ANKRD17: variants seen among roughly 807,000 people sequenced by gnomAD.
ANKRD17 encodes ankyrin repeat domain 17, also known as ankyrin repeat domain-containing protein 17.
A neutral mutation model predicts 229.7 loss-of-function variants in ANKRD17; 19 were observed. That is an observed-to-expected ratio of 0.08 (90% CI 0.06 to 0.12). The LOEUF (loss-of-function observed/expected upper bound fraction) is 0.12. Ranked by LOEUF, ANKRD17 falls within the 10% of genes least tolerant of loss-of-function variation. The pLI, the probability that ANKRD17 is intolerant of heterozygous loss-of-function variation, is 1.00. For synonymous variants in ANKRD17, 1,112 were observed against 1,146.1 expected (o/e 0.97, Z 0.60); for missense variants, 2,176 against 3,176.8 (o/e 0.68, Z 7.57).
intron 1 of ANKRD17, among the ~76,000 whole-genome samples, chr4:73,199,278 A>G (rs1459834053): frequency 1.3e-5 from 2 of 151,452 alleles, no homozygotes; most frequent in African/African-American, 4.9e-5. Flanking sequence ...GGAAGGGGAA[A>G]ACAAGGAAAG....
intron 1 of ANKRD17, among the ~76,000 whole-genome samples, chr4:73,199,520 T>C (rs989897856): frequency 6.6e-6 from 1 of 152,190 alleles, no homozygotes; most frequent in Admixed American, 6.5e-5. Flanking sequence ...TTACAGTTCC[T>C]TCTACCTGGA....
chr4:73,228,350 GAT>G (rs1168073796), intron 1 of ANKRD17, among the ~76,000 whole-genome samples: 2 of 152,090 alleles, frequency 1.3e-5, no homozygotes, highest in East Asian at 3.8e-4. Flanking sequence ...GAGGAATCTA[GAT>G]ATATGTCTAA....
rs755606046 is a variant in ANKRD17, at chr4:73,140,252, C to T, written c.2364G>A (p.Leu788=). Residue 788 remains leucine, a synonymous_variant, in exon 15 of 34, where the codon TTG becomes TTA. Coordinates refer to ENST00000358602, the MANE Select transcript of ANKRD17 (RefSeq NM_032217.5). ...AASKQKSSSH[L]PANSQDVQGY... ...CCTGTACATCCTGGCTGTTTGCTGG[C>T]AAATGGCTGCTGGACTTTTGTTTAG... 1 of 1,601,068 alleles carries T rather than the reference C, an allele frequency of 6.2e-7. No individual in the cohort carries two copies. The highest frequency in any genetic ancestry group is 8.5e-7 in the Non-Finnish European group (1 of 1,176,370).
chr4:73,094,343 G>T, intron 27 of ANKRD17, 115 bp from the exon 28 acceptor site: 2 of 934,688 alleles, frequency 2.1e-6, no homozygotes, highest in Non-Finnish European at 3.1e-6. Flanking sequence ...GAATATTGTT[G>T]AATAAGCCTC....
intron 1 of ANKRD17, among the ~76,000 whole-genome samples, chr4:73,188,846 CAG>C (rs1213194261): frequency 6.6e-6 from 1 of 151,888 alleles, no homozygotes; most frequent in South Asian, 2.1e-4. Flanking sequence ...AAATGAGAGA[CAG>C]AGAAAAATAT....
chr4:73,099,491 G>A (rs905462156), intron 25 of ANKRD17, among the ~76,000 whole-genome samples: 20 of 152,312 alleles, frequency 1.3e-4, no homozygotes, highest in African/African-American at 4.6e-4. Flanking sequence ...TAGCAACACT[G>A]CTCTCTGGTG....
rs35160047 is a variant in ANKRD17 at position 73,250,589 on chromosome 4, C to CAAA, written c.393+7684_393+7686dup. Among the ~76,000 whole-genome samples the CAAA allele has an allele frequency of 8.3e-3, 245 of 29,402 alleles. 70 individuals carry two copies. Among genetic ancestry groups the CAAA allele is most frequent in the African/African-American group, 0.024 (142 of 5,938 alleles). 19.3% of individuals were successfully genotyped at this position (29,402 alleles called of 152,430 possible). A position where few individuals can be genotyped will look rare whatever the true frequency, so the allele number is the denominator to read the frequency against. On this transcript the variant is annotated intron_variant, in intron 1 of 33. Coordinates refer to ENST00000358602, the MANE Select transcript of ANKRD17 (RefSeq NM_032217.5). ...CACTCCAGCATAGATGACCTTGTCT[C>CAAA]AAAAAAAAAAAAAAAAAAAAAAAAA... is the stretch of plus-strand genomic sequence containing the variant.
In ANKRD17 at chr4:73,102,494, T is replaced by C; in HGVS notation, c.4455A>G (p.Lys1485=). The change falls in exon 25 of 34, where the codon AAA becomes AAG. Residue 1485 remains lysine (K), a synonymous_variant. Coordinates refer to ENST00000358602, the MANE Select transcript of ANKRD17 (RefSeq NM_032217.5). ...CTTCCTTTTTCTTCCTTCTCTTCTC[T>C]TTTCTTTTTTCTCTTTTCGCAGCCA... ...LALAAKREKR[K]EKRRKKKEEQ... The C allele has an allele frequency of 6.2e-7, 1 of 1,604,902 alleles. No homozygotes were observed.
intron 2 of ANKRD17, among the ~76,000 whole-genome samples, chr4:73,166,679 A>T (rs1259170770): frequency 6.6e-6 from 1 of 152,152 alleles, no homozygotes; most frequent in Non-Finnish European, 1.5e-5. Context: ...TGGATCTAAA[A>T]TAGGAAATAC....
intron 7 of ANKRD17, among the ~76,000 whole-genome samples, chr4:73,149,447 C>T (rs1436317008): frequency 6.6e-6 from 1 of 152,036 alleles, no homozygotes; most frequent in Non-Finnish European, 1.5e-5. Context: ...GATAAGCAAA[C>T]TTTTGATTAG....
chr4:73,175,168 C>T (rs138510310), intron 2 of ANKRD17, among the ~76,000 whole-genome samples: 60 of 152,086 alleles, frequency 3.9e-4, no homozygotes, highest in Non-Finnish European at 7.4e-4. Flanking sequence ...CACATGGCTG[C>T]GAGGCCTAAG....
chr4:73,186,953 AAC>A lies in ANKRD17; in HGVS notation c.394-9422_394-9421del, dbSNP rs559837620. On this transcript the variant is annotated intron_variant, in intron 1 of 33. Coordinates refer to ENST00000358602, the MANE Select transcript of ANKRD17 (RefSeq NM_032217.5). ...AAATATTCTTATAAGATGGCTTTAC[AAC>A]ACACACAGATACACACACACACATA... Among the ~76,000 whole-genome samples the A allele has an allele frequency of 8.0e-4, 114 of 142,390 alleles. 1 individual carries two copies. The South Asian group carries it at 0.016, about 20-fold the overall frequency. The allele number at this position is 142,390 out of a possible 152,430, so 93.4% of individuals were successfully genotyped here. A position where few individuals can be genotyped will look rare whatever the true frequency, so the allele number is the denominator to read the frequency against.
At chr4:73,244,340 T>C (rs1277441892) in intron 1 of ANKRD17, among the ~76,000 whole-genome samples, 1 of 152,160 alleles carries the variant, frequency 6.6e-6, no homozygotes, top group Non-Finnish European at 1.5e-5. Flanking sequence ...ACAGTAGATC[T>C]TGTAGATGAA....
In ANKRD17 at chr4:73,090,694, ATGG is replaced by A; in HGVS notation, c.6931_6933del (p.Pro2311del). On this transcript the variant is annotated inframe_deletion, in exon 29 of 34. Transcript: ENST00000358602. The stretch of plus-strand genomic sequence containing the variant: ...GAGGGACTTGGAGCAGGTCTCTGTA[ATGG>A]TGGTCTAAAACCTGGAGCTTTGGAA... 6.2e-7 allele frequency: 1 copy of A among 1,614,196 alleles called. No homozygotes were observed. The highest frequency in any genetic ancestry group is 8.5e-7 in the Non-Finnish European group (1 of 1,180,028).
At chr4:73,191,385 G>GTGTGTGTGTA (rs759075951) in intron 1 of ANKRD17, among the ~76,000 whole-genome samples, 3 of 150,078 alleles carry the variant, frequency 2.0e-5, no homozygotes, top group African/African-American at 7.3e-5. Context: ...GTGTGTGTGT[G>GTGTGTGTGTA]TATCTCCAGA....
chr4:73,079,844 G>A lies in ANKRD17; in HGVS notation c.7160-954C>T, dbSNP rs190391143. ...AAAGCTTAAATATTGGCCGGGCGCG[G>A]TGGCACACACCTGTAATCACAGCAC... On this transcript the variant is annotated intron_variant, in intron 30 of 33. Transcript: ENST00000358602. Among the ~76,000 whole-genome samples, 906 of 152,290 alleles carry A rather than the reference G, an allele frequency of 5.9e-3. 7 individuals carry two copies. The highest frequency in any genetic ancestry group is 8.2e-3 in the Non-Finnish European group (559 of 68,032).
At chr4:73,138,736 G>A (rs1015388462) in intron 15 of ANKRD17, among the ~76,000 whole-genome samples, 1 of 151,420 alleles carries the variant, frequency 6.6e-6, no homozygotes, top group African/African-American at 2.4e-5. Context: ...GCATTCTTAT[G>A]GTTCACAACC....
At chr4:73,107,472 G>T (rs1724785083) in intron 24 of ANKRD17, among the ~76,000 whole-genome samples, 1 of 152,150 alleles carries the variant, frequency 6.6e-6, no homozygotes, top group Non-Finnish European at 1.5e-5. Flanking sequence ...CAGATAAATA[G>T]AATGCATACA....
At chr4:73,097,923 A>G in intron 26 of ANKRD17, 150 bp downstream of exon 26, 1 of 597,060 alleles carries the variant, frequency 1.7e-6, no homozygotes, top group Non-Finnish European at 2.8e-6. Context: ...ACAAAAGCTT[A>G]TTCTTCAATT....
Sources: gnomAD v4.1 joint callset for allele counts (sites outside exome capture counted in the v4.1 genomes callset) on GRCh38, gnomAD v4.1.1 for gene constraint, MANE v1.5 for transcripts, NCBI Gene and HGNC (gene_info 2026-07-23, HGNC 2026-07-21) for gene names.